NKAIN2: variants seen among roughly 807,000 people sequenced by gnomAD.
NKAIN2 encodes sodium/potassium-transporting ATPase subunit beta-1-interacting protein 2.
In NKAIN2, 14 loss-of-function variants were observed where a neutral mutation model predicts 32.6. That is an observed-to-expected ratio of 0.43 (90% CI 0.28 to 0.67). The LOEUF is 0.67. Among genes scored for constraint, NKAIN2 ranks in the 30% least tolerant of loss-of-function variants. The pLI, the probability that NKAIN2 is intolerant of heterozygous loss-of-function variation, is 0.17. For missense variants in NKAIN2, 198 were observed against 258.3 expected, an observed-to-expected ratio of 0.77 and a Z score of 1.60; for synonymous variants, 80 against 87.2, an observed-to-expected ratio of 0.92 and a Z score of 0.46.
intron 4 of NKAIN2, among the ~76,000 whole-genome samples, chr6:124,724,862 G>C (rs1387874161): frequency 6.6e-6 from 1 of 152,172 alleles, no homozygotes; most frequent in Non-Finnish European, 1.5e-5. Flanking sequence ...TGTTCACATA[G>C]CTTGGCCTTA....
chr6:124,299,216 A>G (rs1393184777), intron 2 of NKAIN2, among the ~76,000 whole-genome samples: 1 of 152,218 alleles, frequency 6.6e-6, no homozygotes, highest in Non-Finnish European at 1.5e-5. Flanking sequence ...AAGAGATATC[A>G]GAATATCAGT....
intron 3 of NKAIN2, among the ~76,000 whole-genome samples, chr6:124,549,307 G>T (rs1780205486): frequency 6.6e-6 from 1 of 152,160 alleles, no homozygotes; most frequent in East Asian, 1.9e-4. Context: ...TGCGGAGGTT[G>T]CAGTGAGCGG....
At chr6:124,166,453 C>T (rs1367401211) in intron 1 of NKAIN2, among the ~76,000 whole-genome samples, 1 of 150,754 alleles carries the variant, frequency 6.6e-6, no homozygotes, top group Non-Finnish European at 1.5e-5. Context: ...AAAATTTTCT[C>T]CAATTTTGTA....
At chr6:124,198,583 G>GT (rs1790436934) in intron 1 of NKAIN2, among the ~76,000 whole-genome samples, 1 of 151,866 alleles carries the variant, frequency 6.6e-6, no homozygotes, top group South Asian at 2.1e-4. Flanking sequence ...ATAACTCTGA[G>GT]TTTTTTCCTT....
Position 123,976,798 on chromosome 6 carries a change from AATAAAGTGT to A in NKAIN2, c.54+172548_54+172556del, listed in dbSNP as rs570365468. 1.3e-3 allele frequency among the ~76,000 whole-genome samples: 195 copies of A among 152,312 alleles called. 3 individuals are homozygous for A. Among genetic ancestry groups the A allele is most frequent in the African/African-American group, 4.6e-3 (190 of 41,574 alleles). On this transcript the variant is annotated intron_variant, in intron 1 of 6. Transcript: ENST00000368417. ...TGTTCTACAAAAAGAACTAGTTAAA[AATAAAGTGT>A]ATACAGTGTACAAAATTGTGAACTT...
intron 2 of NKAIN2, among the ~76,000 whole-genome samples, chr6:124,307,820 GA>G (rs1796565044): frequency 6.6e-6 from 1 of 151,984 alleles, no homozygotes; most frequent in South Asian, 2.1e-4. Flanking sequence ...AATAGTGTTT[GA>G]AAAATTTTAC....
At chr6:124,815,549 C>T (rs1051766467) in intron 5 of NKAIN2, among the ~76,000 whole-genome samples, 1 of 151,926 alleles carries the variant, frequency 6.6e-6, no homozygotes, top group Non-Finnish European at 1.5e-5. Flanking sequence ...GGATTACAGG[C>T]GTGAGCCACG....
chr6:124,367,584 T>C (rs1362345654), intron 3 of NKAIN2, among the ~76,000 whole-genome samples: 2 of 152,184 alleles, frequency 1.3e-5, no homozygotes, highest in Non-Finnish European at 2.9e-5. Context: ...TAGATTATGG[T>C]TCTCTTAGAG....
intron 2 of NKAIN2, among the ~76,000 whole-genome samples, chr6:124,349,384 T>G (rs183664694): frequency 1.5e-3 from 236 of 152,274 alleles, no homozygotes; most frequent in African/African-American, 5.6e-3. Context: ...CCTTTTTACT[T>G]GGCTGCCTCA....
chr6:124,074,982 C>T (rs116511513), intron 1 of NKAIN2, among the ~76,000 whole-genome samples: 3 of 152,188 alleles, frequency 2.0e-5, no homozygotes, highest in South Asian at 2.1e-4. Flanking sequence ...AACATACTTA[C>T]GTTAATATTA....
chr6:124,137,654 A>C (rs2114307148), intron 1 of NKAIN2, among the ~76,000 whole-genome samples: 1 of 152,194 alleles, frequency 6.6e-6, no homozygotes, highest in Middle Eastern at 3.4e-3. Context: ...GTTACCAATA[A>C]AAAGATAGGT....
chr6:124,223,955 G>A (rs1186597272), intron 1 of NKAIN2, among the ~76,000 whole-genome samples: 1 of 152,154 alleles, frequency 6.6e-6, no homozygotes, highest in African/African-American at 2.4e-5. Flanking sequence ...AAATGAGATG[G>A]TGCATGGACA....
chr6:124,421,921 A>T lies in NKAIN2; in HGVS notation c.273+66574A>T, dbSNP rs554155279. On this transcript the variant is annotated intron_variant, in intron 3 of 6. Transcript: ENST00000368417. ...CCCTTCTCGCATCTGCTGTTTCTCA[A>T]TTGCCTTCTGTTCAAAATAGTTAAT... is the stretch of plus-strand genomic sequence containing the variant. Among the ~76,000 whole-genome samples the T allele has an allele frequency of 3.7e-4, 56 of 152,234 alleles. No homozygotes were observed. The East Asian group carries it at 0.011, about 29-fold the overall frequency.
intron 1 of NKAIN2, among the ~76,000 whole-genome samples, chr6:124,051,645 C>G (rs919212250): frequency 6.6e-6 from 1 of 151,908 alleles, no homozygotes; most frequent in Non-Finnish European, 1.5e-5. Flanking sequence ...TACCTTCTTT[C>G]TTATTCCATT....
rs146452966 is a variant in NKAIN2, at chr6:124,276,458, A to G, written c.55-6547A>G. On this transcript the variant is annotated intron_variant, in intron 1 of 6. Coordinates refer to ENST00000368417, the MANE Select transcript of NKAIN2 (RefSeq NM_001040214.3). ...TTATCTTTGCTCCTATTTTACATGT[A>G]TAATCATTGCAGACTCAACTTCAAG... Among the ~76,000 whole-genome samples, 170 of 152,230 alleles carry G rather than the reference A, an allele frequency of 1.1e-3. 1 individual carries two copies. The highest frequency in any genetic ancestry group is 4.0e-3 in the African/African-American group (166 of 41,548).
chr6:123,835,619 A>G (rs556794583), intron 1 of NKAIN2, among the ~76,000 whole-genome samples: 5 of 152,288 alleles, frequency 3.3e-5, no homozygotes, highest in African/African-American at 9.6e-5. Context: ...ATCACATTGC[A>G]TAAATGAGTG....
chr6:124,439,904 C>T (rs549216023), intron 3 of NKAIN2, among the ~76,000 whole-genome samples: 1 of 151,928 alleles, frequency 6.6e-6, no homozygotes, highest in Non-Finnish European at 1.5e-5. Context: ...CTCCAGGAAG[C>T]CTGCTCTGAA....
At chr6:124,737,535 A>G (rs1777011045) in intron 4 of NKAIN2, among the ~76,000 whole-genome samples, 1 of 151,842 alleles carries the variant, frequency 6.6e-6, no homozygotes, top group Non-Finnish European at 1.5e-5. Flanking sequence ...TGCTATGAAG[A>G]TGCTCGAAAA....
chr6:124,044,385 T>G (rs1782024838), intron 1 of NKAIN2, among the ~76,000 whole-genome samples: 1 of 151,992 alleles, frequency 6.6e-6, no homozygotes, highest in Non-Finnish European at 1.5e-5. Flanking sequence ...TGAACTAGAC[T>G]CTCATCGCTC....
Sources: gnomAD v4.1 joint callset for allele counts (sites outside exome capture counted in the v4.1 genomes callset) on GRCh38, gnomAD v4.1.1 for gene constraint, MANE v1.5 for transcripts, NCBI Gene and HGNC (gene_info 2026-07-23, HGNC 2026-07-21) for gene names.